GRIK2: variants seen among roughly 807,000 people sequenced by gnomAD.
GRIK2 encodes glutamate ionotropic receptor kainate type subunit 2.
In GRIK2, 32 loss-of-function variants were observed where a neutral mutation model predicts 100.3. The ratio of observed to expected loss-of-function variants is 0.32; its 90% CI spans 0.24 to 0.43. The LOEUF (loss-of-function observed/expected upper bound fraction) is 0.43. GRIK2 is among the 20% of genes least tolerant of loss of function. GRIK2 has a pLI of 1.00. For missense variants in GRIK2, 843 were observed against 1,114.9 expected (o/e 0.76, Z 3.47); for synonymous variants, 417 against 389.4 (o/e 1.07, Z -0.83).
intron 2 of GRIK2, among the ~76,000 whole-genome samples, chr6:101,503,372 G>A (rs1333344137): frequency 6.6e-6 from 1 of 152,008 alleles, no homozygotes; most frequent in Non-Finnish European, 1.5e-5. Context: ...AGGAAGAAGG[G>A]GGGAAAGAGG....
chr6:101,671,972 T>TA (rs1396030367), intron 4 of GRIK2, among the ~76,000 whole-genome samples: 1 of 152,164 alleles, frequency 6.6e-6, no homozygotes, highest in Non-Finnish European at 1.5e-5. Context: ...CTGATCTAGA[T>TA]AAAACTTTCA....
intron 14 of GRIK2, among the ~76,000 whole-genome samples, chr6:102,013,755 C>G (rs1409185269): frequency 1.3e-5 from 2 of 152,046 alleles, no homozygotes; most frequent in Non-Finnish European, 1.5e-5. Context: ...TATGCTGAAC[C>G]AACCTTGAAT....
chr6:101,690,105 G>A (rs1182618670), intron 7 of GRIK2, among the ~76,000 whole-genome samples: 3 of 152,046 alleles, frequency 2.0e-5, no homozygotes, highest in Non-Finnish European at 2.9e-5. Flanking sequence ...ACACCTCAGA[G>A]TACATTTTAA....
At chr6:102,027,963 A>T (rs1769790295) in intron 14 of GRIK2, among the ~76,000 whole-genome samples, 1 of 151,120 alleles carries the variant, frequency 6.6e-6, no homozygotes, top group African/African-American at 2.4e-5. Flanking sequence ...ATTTTCGAAG[A>T]AATTTAAAAC....
chr6:101,493,497 C>A (rs982872004), intron 2 of GRIK2, among the ~76,000 whole-genome samples: 2 of 151,930 alleles, frequency 1.3e-5, no homozygotes, highest in African/African-American at 4.8e-5. Context: ...AACATAGAAT[C>A]AAATAATAAT....
rs535538787 is a variant in GRIK2, at chr6:101,465,444, G to A, written c.115+66052G>A. 2.0e-5 allele frequency among the ~76,000 whole-genome samples: 3 copies of A among 152,270 alleles called. No individual in the cohort carries two copies. The South Asian group carries it at 6.2e-4, about 32-fold the overall frequency. The stretch of plus-strand genomic sequence containing the variant: ...CCATCCATGTTGCTGCAAAAAACAT[G>A]TTTTCATTTTTTTAAATGGCTGAAT... On this transcript the variant is annotated intron_variant, in intron 2 of 16. Transcript: ENST00000369134.
At chr6:101,614,787 A>T (rs1456545747) in intron 2 of GRIK2, among the ~76,000 whole-genome samples, 1 of 151,780 alleles carries the variant, frequency 6.6e-6, no homozygotes, top group East Asian at 1.9e-4. Flanking sequence ...ATTAAATTAA[A>T]GTCTACAAAA....
At chr6:101,782,271 T>C (rs1368613792) in intron 7 of GRIK2, among the ~76,000 whole-genome samples, 1 of 152,226 alleles carries the variant, frequency 6.6e-6, no homozygotes, top group East Asian at 1.9e-4. Context: ...GTTACCCTAC[T>C]CTGCTATCAA....
chr6:101,464,514 T>C (rs1336173077), intron 2 of GRIK2, among the ~76,000 whole-genome samples: 12 of 79,656 alleles, frequency 1.5e-4, no homozygotes, highest in East Asian at 6.8e-4. Flanking sequence ...TTTTTTTTTT[T>C]TTTTTTTTTT....
rs911240538 is a variant in GRIK2 at position 101,655,071 on chromosome 6, A to G, written c.542-21552A>G. Among the ~76,000 whole-genome samples the G allele has an allele frequency of 9.8e-5, 15 of 152,286 alleles. No individual in the cohort carries two copies. The East Asian group carries it at 2.7e-3, about 27-fold the overall frequency. ...TGATTCTTCTAGTTCTGGTTCCCAA[A>G]TGACTAATAAAAAGTTAACAATTTT... On this transcript the variant is annotated intron_variant, in intron 4 of 16. Transcript: ENST00000369134.
intron 10 of GRIK2, among the ~76,000 whole-genome samples, chr6:101,858,664 C>T (rs1481375075): frequency 6.6e-6 from 1 of 152,008 alleles, no homozygotes; most frequent in African/African-American, 2.4e-5. Context: ...GCTGGGATTA[C>T]AGGTGCAAGC....
chr6:101,860,393 A>C (rs193271981), intron 11 of GRIK2, among the ~76,000 whole-genome samples: 1 of 152,260 alleles, frequency 6.6e-6, no homozygotes, highest in East Asian at 1.9e-4. Flanking sequence ...TATTTTCCCC[A>C]ATGGGATATA....
chr6:101,441,251 C>A (rs1770034515), intron 2 of GRIK2, among the ~76,000 whole-genome samples: 1 of 152,120 alleles, frequency 6.6e-6, no homozygotes, highest in East Asian at 1.9e-4. Context: ...AGTCTACTCT[C>A]TGTCCCTTGT....
At chr6:101,935,931 C>A (rs1790589418) in intron 14 of GRIK2, among the ~76,000 whole-genome samples, 1 of 152,052 alleles carries the variant, frequency 6.6e-6, no homozygotes, top group Non-Finnish European at 1.5e-5. Flanking sequence ...TATACTTAGG[C>A]TTCTAAGCCA....
chr6:101,912,478 C>A (rs1306154306), intron 12 of GRIK2, among the ~76,000 whole-genome samples: 2 of 151,490 alleles, frequency 1.3e-5, no homozygotes, highest in Non-Finnish European at 3.0e-5. Context: ...ACAATGATTA[C>A]CAGTGGTGGG....
intron 7 of GRIK2, among the ~76,000 whole-genome samples, chr6:101,699,567 A>G (rs1356681388): frequency 6.6e-6 from 1 of 152,044 alleles, no homozygotes; most frequent in Non-Finnish European, 1.5e-5. Flanking sequence ...AGTCCCTCAA[A>G]GGTACCCTGG....
chr6:101,962,896 G>C (rs986351695), intron 14 of GRIK2, among the ~76,000 whole-genome samples: 1 of 151,684 alleles, frequency 6.6e-6, no homozygotes, highest in East Asian at 1.9e-4. Context: ...CCATTTGCCT[G>C]ACATATCTTT....
chr6:101,914,502 G>GTA (rs1437496704), intron 12 of GRIK2, among the ~76,000 whole-genome samples: 1 of 151,470 alleles, frequency 6.6e-6, no homozygotes, highest in African/African-American at 2.4e-5. Context: ...TAGGCTAGCT[G>GTA]TATATTAGTA....
intron 2 of GRIK2, among the ~76,000 whole-genome samples, chr6:101,472,889 A>G (rs1451557957): frequency 2.0e-5 from 3 of 151,844 alleles, no homozygotes; most frequent in Admixed American, 1.3e-4. Flanking sequence ...TTGATTTAAT[A>G]GAAACTTCAG....
Sources: allele counts gnomAD v4.1 joint callset (sites outside exome capture counted in the v4.1 genomes callset), GRCh38; gene constraint gnomAD v4.1.1; transcripts MANE v1.5; gene names NCBI Gene and HGNC (gene_info 2026-07-23, HGNC 2026-07-21).